Variants in AGBL4 observed in about 807,000 individuals in gnomAD.
AGBL4 encodes cytosolic carboxypeptidase 6.
In AGBL4, 58 loss-of-function variants were observed where a neutral mutation model predicts 66.4. That is an observed-to-expected ratio of 0.87 (90% CI 0.71 to 1.09). AGBL4 has a LOEUF of 1.09. AGBL4 is among the 50% of genes least tolerant of loss of function. AGBL4 has a pLI of 0.00. For synonymous variants in AGBL4, 234 were observed against 222.9 expected (o/e 1.05, Z -0.44); for missense variants, 579 against 631.0 (o/e 0.92, Z 0.88).
intron 4 of AGBL4, among the ~76,000 whole-genome samples, chr1:49,194,947 C>G (rs1366790443): frequency 6.6e-6 from 1 of 151,920 alleles, no homozygotes; most frequent in African/African-American, 2.4e-5. Flanking sequence ...AACTGATCCT[C>G]CCACCTCAGC....
intron 3 of AGBL4, among the ~76,000 whole-genome samples, chr1:49,394,865 C>A (rs1228945858): frequency 6.6e-6 from 1 of 152,152 alleles, no homozygotes; most frequent in Non-Finnish European, 1.5e-5. Flanking sequence ...GGACCCACAG[C>A]ACAGAAAATC....
chr1:48,873,845 C>T (rs1009738524), intron 5 of AGBL4, among the ~76,000 whole-genome samples: 4 of 152,002 alleles, frequency 2.6e-5, no homozygotes, highest in South Asian at 2.1e-4. Context: ...TGGGTAGTTA[C>T]GAGTCTATGG....
At chr1:49,417,488 T>C (rs544571384) in intron 3 of AGBL4, among the ~76,000 whole-genome samples, 17 of 152,198 alleles carry the variant, frequency 1.1e-4, no homozygotes, top group Admixed American at 1.0e-3. Flanking sequence ...AGGAGATCAA[T>C]AGTAGTTGAT....
At chr1:49,968,801 G>GTATGAA (rs1657794995) in intron 1 of AGBL4, among the ~76,000 whole-genome samples, 1 of 152,194 alleles carries the variant, frequency 6.6e-6, no homozygotes, top group Non-Finnish European at 1.5e-5. Context: ...ATCTTCGATG[G>GTATGAA]CATGAAGGCC....
At chr1:49,344,529 C>T (rs547190323) in intron 3 of AGBL4, among the ~76,000 whole-genome samples, 71 of 152,234 alleles carry the variant, frequency 4.7e-4, no homozygotes, top group Non-Finnish European at 8.7e-4. Context: ...GTAAAAAATT[C>T]TGTGTGTGAA....
intron 1 of AGBL4, among the ~76,000 whole-genome samples, chr1:49,892,382 T>C (rs1185366484): frequency 1.3e-5 from 2 of 152,206 alleles, no homozygotes; most frequent in East Asian, 3.9e-4. Context: ...ATTCCCACTA[T>C]TAAACAGTAT....
chr1:48,572,750 TC>T (rs1476594522), intron 11 of AGBL4, among the ~76,000 whole-genome samples: 1 of 151,956 alleles, frequency 6.6e-6, no homozygotes, highest in Non-Finnish European at 1.5e-5. Context: ...AGAGCATAGG[TC>T]TTAGCCCTGA....
intron 3 of AGBL4, among the ~76,000 whole-genome samples, chr1:49,301,731 T>G (rs1315092170): frequency 1.3e-5 from 2 of 152,140 alleles, no homozygotes; most frequent in Non-Finnish European, 2.9e-5. Context: ...AAGACTGTTG[T>G]TTGAGATATT....
At chr1:48,708,019 G>A (rs1646907915) in intron 6 of AGBL4, among the ~76,000 whole-genome samples, 1 of 152,234 alleles carries the variant, frequency 6.6e-6, no homozygotes. Flanking sequence ...ACCCCGTGAT[G>A]TGGGCAGTAT....
At chr1:49,937,811 T>C (rs1480954138) in intron 1 of AGBL4, among the ~76,000 whole-genome samples, 1 of 151,964 alleles carries the variant, frequency 6.6e-6, no homozygotes, top group African/African-American at 2.4e-5. Context: ...AGACACAACA[T>C]ACCAGAATGT....
chr1:48,589,633 T>C (rs554956144), intron 10 of AGBL4, among the ~76,000 whole-genome samples: 7 of 152,318 alleles, frequency 4.6e-5, no homozygotes, highest in Admixed American at 4.6e-4. Context: ...TCTCAGCATG[T>C]GAGATTGGTA....
chr1:49,953,181 A>G (rs1285736587), intron 1 of AGBL4, among the ~76,000 whole-genome samples: 2 of 152,004 alleles, frequency 1.3e-5, no homozygotes, highest in East Asian at 1.9e-4. Flanking sequence ...TTTATGGACC[A>G]GTAATGAAAT....
At chr1:49,509,294 A>G (rs1648979964) in intron 3 of AGBL4, among the ~76,000 whole-genome samples, 1 of 151,938 alleles carries the variant, frequency 6.6e-6, no homozygotes, top group Non-Finnish European at 1.5e-5. Context: ...GCAGAGGATA[A>G]CCAATTATTT....
intron 4 of AGBL4, among the ~76,000 whole-genome samples, chr1:49,236,765 CCATTA>C (rs1650783291): frequency 6.6e-6 from 1 of 152,010 alleles, no homozygotes; most frequent in South Asian, 2.1e-4. Flanking sequence ...CATAATTATC[CCATTA>C]CCAAAAAATC....
chr1:49,925,323 T>C (rs926663208), intron 1 of AGBL4, among the ~76,000 whole-genome samples: 1 of 152,032 alleles, frequency 6.6e-6, no homozygotes, highest in Non-Finnish European at 1.5e-5. Flanking sequence ...GGAAAGGACC[T>C]GGTCCTGACA....
chr1:49,282,400 G>T lies in AGBL4; in HGVS notation c.283-36536C>A, dbSNP rs184403845. 1.1e-4 allele frequency among the ~76,000 whole-genome samples: 17 copies of T among 152,248 alleles called. No homozygotes were observed. In the East Asian group the frequency reaches 3.3e-3, roughly 29 times the overall value. The stretch of plus-strand genomic sequence containing the variant: ...AGTAGGGGTATGGTACTATTCAAAA[G>T]ACACTACAGAGATGGTTAGATGATG... On this transcript the variant is annotated intron_variant, in intron 3 of 13. Coordinates refer to ENST00000371839, the MANE Select transcript of AGBL4 (RefSeq NM_032785.4).
chr1:49,990,509 C>A (rs1237771231), intron 1 of AGBL4, among the ~76,000 whole-genome samples: 1 of 152,176 alleles, frequency 6.6e-6, no homozygotes, highest in East Asian at 1.9e-4. Flanking sequence ...CTCAGCCAGG[C>A]AAAACTGTGA....
intron 9 of AGBL4, among the ~76,000 whole-genome samples, chr1:48,620,940 G>C (rs2148396251): frequency 1.3e-5 from 2 of 152,186 alleles, no homozygotes; most frequent in Admixed American, 1.3e-4. Context: ...GGTAGAGCCG[G>C]AACTGGAGGC....
chr1:49,372,416 A>G (rs1341543359), intron 3 of AGBL4, among the ~76,000 whole-genome samples: 1 of 152,060 alleles, frequency 6.6e-6, no homozygotes, highest in African/African-American at 2.4e-5. Context: ...TTCTTATTCC[A>G]CATTATCTTT....
Sources: gnomAD v4.1 joint callset for allele counts (sites outside exome capture counted in the v4.1 genomes callset) on GRCh38, gnomAD v4.1.1 for gene constraint, MANE v1.5 for transcripts, NCBI Gene and HGNC (gene_info 2026-07-23, HGNC 2026-07-21) for gene names.